The following DYNC2I1 variants were observed in gnomAD, a reference collection of about 807,000 sequenced individuals.
DYNC2I1 encodes dynein 2 intermediate chain 1, also known as cytoplasmic dynein 2 intermediate chain 1.
DYNC2I1 carries 89 observed loss-of-function variants against 133.4 expected under a neutral mutation model. The ratio of observed to expected loss-of-function variants is 0.67; its 90% CI spans 0.56 to 0.80. The LOEUF is 0.80. Among genes scored for constraint, DYNC2I1 ranks in the 30% least tolerant of loss-of-function variants. The pLI is 0.00. For synonymous variants in DYNC2I1, 504 were observed against 484.3 expected, an observed-to-expected ratio of 1.04 and a Z score of -0.54; for missense variants, 1,291 against 1,314.5, an observed-to-expected ratio of 0.98 and a Z score of 0.28.
At chr7:158,897,660 G>T (rs755679723) in intron 8 of DYNC2I1, among the ~76,000 whole-genome samples, 5 of 152,114 alleles carry the variant, frequency 3.3e-5, no homozygotes, top group Non-Finnish European at 7.4e-5. Context: ...TGGCCTAGAA[G>T]TGTACTGATT....
chr7:158,955,934 G>A (rs1394432890), intron 4 of DYNC2I1, among the ~76,000 whole-genome samples: 2 of 152,214 alleles, frequency 1.3e-5, no homozygotes, highest in Non-Finnish European at 2.9e-5. Context: ...CAGGGGTTGG[G>A]CGATCTGGCA....
intron 8 of DYNC2I1, among the ~76,000 whole-genome samples, chr7:158,894,556 C>T (rs1314669745): frequency 6.6e-6 from 1 of 152,128 alleles, no homozygotes; most frequent in African/African-American, 2.4e-5. Flanking sequence ...TGAATAATAT[C>T]CATTGTAGGG....
intron 1 of DYNC2I1, among the ~76,000 whole-genome samples, chr7:158,863,150 C>T (rs1402743052): frequency 1.3e-5 from 2 of 151,848 alleles, no homozygotes; most frequent in South Asian, 2.1e-4. Flanking sequence ...CTTTTATTCC[C>T]TTATTTGGCC....
At chr7:158,863,273 C>A (rs576977399) in intron 1 of DYNC2I1, among the ~76,000 whole-genome samples, 1 of 151,890 alleles carries the variant, frequency 6.6e-6, no homozygotes, top group African/African-American at 2.4e-5. Context: ...AGACGCAGAG[C>A]GCTGATTGGT....
intron 3 of DYNC2I1, among the ~76,000 whole-genome samples, chr7:158,873,053 C>G (rs1042841514): frequency 6.6e-6 from 1 of 151,836 alleles, no homozygotes; most frequent in Non-Finnish European, 1.5e-5. Context: ...GGCTTATTAT[C>G]TCCGTAAATC....
upstream of DYNC2I1, among the ~76,000 whole-genome samples, chr7:158,856,336 G>T (rs1298777913): frequency 6.6e-6 from 1 of 152,214 alleles, no homozygotes; most frequent in African/African-American, 2.4e-5. Flanking sequence ...GCGGGTTGGG[G>T]CGAGTCAAGA....
chr7:158,910,250 G>A (rs75506766), intron 11 of DYNC2I1, among the ~76,000 whole-genome samples: 9,538 of 152,340 alleles, frequency 0.063, 398 homozygotes, highest in African/African-American at 0.11. Context: ...CCACGTGGGT[G>A]CGGCGTTTCG....
intron 23 of DYNC2I1, among the ~76,000 whole-genome samples, chr7:158,938,827 AAAAC>A (rs1851040415): frequency 6.6e-6 from 1 of 152,186 alleles, no homozygotes; most frequent in African/African-American, 2.4e-5. Flanking sequence ...AATACACGCA[AAAAC>A]AAAAAACTTA....
At chr7:158,894,272 T>C (rs74959868) in intron 8 of DYNC2I1, among the ~76,000 whole-genome samples, 9,524 of 152,196 alleles carry the variant, frequency 0.063, 392 homozygotes, top group African/African-American at 0.11. Context: ...GCGCATATCC[T>C]ACCACATGTC....
chr7:158,913,512 C>T (rs1280649460), intron 13 of DYNC2I1, among the ~76,000 whole-genome samples: 3 of 152,124 alleles, frequency 2.0e-5, no homozygotes, highest in Admixed American at 6.6e-5. Context: ...CAATTTATAT[C>T]GAAGGTCCCT....
At chr7:158,843,291 G>A in the DYNC2I1 span, among the ~76,000 whole-genome samples, 13 of 151,786 alleles carry the variant, frequency 8.6e-5, no homozygotes, top group Admixed American at 2.0e-4. Flanking sequence ...ATGGAGTTTC[G>A]CTCTTGTTGC....
At chr7:158,955,252 C>T (rs1852170548) in intron 4 of DYNC2I1, among the ~76,000 whole-genome samples, 4 of 152,202 alleles carry the variant, frequency 2.6e-5, no homozygotes, top group Admixed American at 1.3e-4. Context: ...GGAGAGCTGC[C>T]GCTGGCTCTG....
chr7:158,841,797 T>C, the DYNC2I1 span, among the ~76,000 whole-genome samples: 1 of 152,230 alleles, frequency 6.6e-6, no homozygotes, highest in Non-Finnish European at 1.5e-5. Flanking sequence ...TAGGTTGCTC[T>C]ATTTGGCAAT....
intron 23 of DYNC2I1, among the ~76,000 whole-genome samples, chr7:158,935,823 T>C (rs1013839296): frequency 1.3e-5 from 2 of 152,200 alleles, no homozygotes; most frequent in African/African-American, 4.8e-5. Flanking sequence ...CCCAGCACTT[T>C]GGGAGGCTGA....
At chr7:158,930,573 T>G (rs1030073101) in intron 21 of DYNC2I1, 58 bp downstream of exon 21, 108 of 1,439,966 alleles carry the variant, frequency 7.5e-5, no homozygotes, top group Admixed American at 7.6e-5. Context: ...GAAAATAACA[T>G]TGGGGAATTG....
At chr7:158,913,667 C>A (rs913809762) in intron 13 of DYNC2I1, among the ~76,000 whole-genome samples, 4 of 152,182 alleles carry the variant, frequency 2.6e-5, no homozygotes, top group African/African-American at 7.2e-5. Context: ...AAGTAATATA[C>A]CTAAACTTAA....
At chr7:158,912,524 T>C (rs1847589300) in intron 12 of DYNC2I1, among the ~76,000 whole-genome samples, 1 of 152,148 alleles carries the variant, frequency 6.6e-6, no homozygotes, top group South Asian at 2.1e-4. Context: ...AGTAGCAAGA[T>C]CATATCTCAC....
At chr7:158,929,561 C>T (rs901582409) in intron 20 of DYNC2I1, among the ~76,000 whole-genome samples, 5 of 152,222 alleles carry the variant, frequency 3.3e-5, no homozygotes, top group Non-Finnish European at 7.3e-5. Context: ...GGGGGCATGC[C>T]GGGAAGCTTC....
At chr7:158,954,937 C>CA (rs1189186219) in intron 4 of DYNC2I1, among the ~76,000 whole-genome samples, 1 of 151,968 alleles carries the variant, frequency 6.6e-6, no homozygotes, top group Non-Finnish European at 1.5e-5. Context: ...AGACAAGCCC[C>CA]ACCTACTGTT....
Sources: allele counts gnomAD v4.1 joint callset (sites outside exome capture counted in the v4.1 genomes callset), GRCh38; gene constraint gnomAD v4.1.1; transcripts MANE v1.5; gene names NCBI Gene and HGNC (gene_info 2026-07-23, HGNC 2026-07-21).